The following STXBP4 variants were observed in gnomAD, a reference collection of about 807,000 sequenced individuals.
The protein encoded by STXBP4 is syntaxin-binding protein 4.
STXBP4 carries 55 observed loss-of-function variants against 76.1 expected under a neutral mutation model. That is an observed-to-expected ratio of 0.72 (90% CI 0.58 to 0.91). The LOEUF (loss-of-function observed/expected upper bound fraction) is 0.91, where lower values mean the gene tolerates loss of function less well. STXBP4 is among the 40% of genes least tolerant of loss of function. STXBP4 has a pLI of 0.00. For synonymous variants in STXBP4, 201 were observed against 220.2 expected, an observed-to-expected ratio of 0.91 and a Z score of 0.77; for missense variants, 618 against 636.9, an observed-to-expected ratio of 0.97 and a Z score of 0.32.
At chr17:55,067,751 G>T (rs1371152520) in intron 12 of STXBP4, among the ~76,000 whole-genome samples, 1 of 152,084 alleles carries the variant, frequency 6.6e-6, no homozygotes, top group Non-Finnish European at 1.5e-5. Context: ...GATTTTCATA[G>T]TACCCAAGCA....
chr17:55,024,057 T>C (rs958943262), intron 8 of STXBP4, among the ~76,000 whole-genome samples: 7 of 151,598 alleles, frequency 4.6e-5, no homozygotes, highest in Admixed American at 4.6e-4. Flanking sequence ...CAGTTAAATA[T>C]ATGAAAAGAT....
At chr17:55,211,716 G>A in the STXBP4 span, among the ~76,000 whole-genome samples, 1 of 150,358 alleles carries the variant, frequency 6.7e-6, no homozygotes, top group South Asian at 2.1e-4. Context: ...CATTTGACAA[G>A]CTTCCCCACT....
rs972656335 is a variant in STXBP4, at chr17:55,166,280, T to C, written c.*6369T>C. 6 of 152,224 alleles carry C rather than the reference T, an allele frequency of 3.9e-5. No individual in the cohort carries two copies. The highest frequency in any genetic ancestry group is 2.0e-4 in the Admixed American group (3 of 15,278). The allele number at this position is 152,224 out of a possible 1,614,324, so 9.4% of individuals were successfully genotyped here. A position where few individuals can be genotyped will look rare whatever the true frequency, so the allele number is the denominator to read the frequency against. On this transcript the variant is annotated 3_prime_UTR_variant, in exon 18 of 18. Coordinates refer to ENST00000376352, the MANE Select transcript of STXBP4 (RefSeq NM_178509.6). ...TTTCATGCAAACATGGCTTATTTAT[T>C]TTTCAAGTCTTTCTCATTTCTTACC... is the stretch of plus-strand genomic sequence containing the variant.
chr17:55,014,458 A>G (rs1194254687), intron 8 of STXBP4, among the ~76,000 whole-genome samples: 1 of 152,184 alleles, frequency 6.6e-6, no homozygotes, highest in Non-Finnish European at 1.5e-5. Flanking sequence ...TGGGAGAAGT[A>G]TCTAGTGACT....
chr17:54,974,872 T>C (rs2077449509), intron 1 of STXBP4, among the ~76,000 whole-genome samples: 1 of 152,232 alleles, frequency 6.6e-6, no homozygotes, highest in South Asian at 2.1e-4. Flanking sequence ...TTTAATTATA[T>C]GCAAATTAAG....
chr17:55,170,545 A>G lies in STXBP4; in HGVS notation c.*10634A>G, dbSNP rs1205124342. 1 of 152,168 alleles carries G rather than the reference A, an allele frequency of 6.6e-6. No homozygotes were observed. The highest frequency in any genetic ancestry group is 1.5e-5 in the Non-Finnish European group (1 of 68,010). 9.4% of individuals were successfully genotyped at this position (152,168 alleles called of 1,614,324 possible). A position where few individuals can be genotyped will look rare whatever the true frequency, so the allele number is the denominator to read the frequency against. On this transcript the variant is annotated 3_prime_UTR_variant, in exon 18 of 18. Transcript: ENST00000376352. The stretch of plus-strand genomic sequence containing the variant: ...TTATAAGAAAAAATGCTAATGATTT[A>G]TTGTGTATGAAAAAAGTGTATCTGA...
At chr17:55,047,201 TG>T in intron 12 of STXBP4, 47 bp downstream of exon 12, 1 of 1,050,562 alleles carries the variant, frequency 9.5e-7, no homozygotes, top group South Asian at 1.5e-5. Flanking sequence ...TGTGTGTGTG[TG>T]TGTGTGTGTG....
At chr17:55,055,944 AT>A (rs2078918614) in intron 12 of STXBP4, among the ~76,000 whole-genome samples, 1 of 152,204 alleles carries the variant, frequency 6.6e-6, no homozygotes, top group African/African-American at 2.4e-5. Flanking sequence ...TCTCTGATTT[AT>A]CTTACAACAA....
chr17:55,023,598 C>T (rs1008556055), intron 8 of STXBP4, among the ~76,000 whole-genome samples: 16 of 151,828 alleles, frequency 1.1e-4, no homozygotes, highest in African/African-American at 3.6e-4. Flanking sequence ...TTTTCGATTT[C>T]GGATTTTTGG....
rs564082035 is a variant in STXBP4, at chr17:55,096,962, A to C, written c.1489+15779A>C. 2.6e-5 allele frequency among the ~76,000 whole-genome samples: 4 copies of C among 152,304 alleles called. 1 individual carries two copies. The South Asian group carries it at 8.3e-4, about 32-fold the overall frequency. ...TAAACTGCTTTGCATCTTTAGTGAC[A>C]AACACTGTGCTGACCTCATAATAAA... On this transcript the variant is annotated intron_variant, in intron 16 of 17. Coordinates refer to ENST00000376352, the MANE Select transcript of STXBP4 (RefSeq NM_178509.6).
At chr17:55,048,990 T>G (rs1326846884) in intron 12 of STXBP4, among the ~76,000 whole-genome samples, 1 of 151,906 alleles carries the variant, frequency 6.6e-6, no homozygotes, top group Non-Finnish European at 1.5e-5. Context: ...GGAAAATAAA[T>G]GCACACTGCC....
chr17:55,192,620 A>G, the STXBP4 span, among the ~76,000 whole-genome samples: 1 of 152,236 alleles, frequency 6.6e-6, no homozygotes, highest in Admixed American at 6.5e-5. Flanking sequence ...TCCAAGATGT[A>G]TGATTAGCCC....
the STXBP4 span, among the ~76,000 whole-genome samples, chr17:55,190,605 A>G: frequency 6.6e-6 from 1 of 152,204 alleles, no homozygotes; most frequent in Non-Finnish European, 1.5e-5. Flanking sequence ...ATGCCAAATA[A>G]TATCATAAAT....
chr17:54,984,332 CT>C (rs200349357), intron 1 of STXBP4, among the ~76,000 whole-genome samples: 3 of 130,284 alleles, frequency 2.3e-5, no homozygotes, highest in Non-Finnish European at 3.2e-5. Context: ...CTCTCTTTTT[CT>C]TTTTTCTTTT....
rs924278957 is a variant in STXBP4, at chr17:55,166,056, A to G, written c.*6145A>G. 6.6e-6 allele frequency: 1 copy of G among 152,236 alleles called. No individual in the cohort carries two copies. The highest frequency in any genetic ancestry group is 2.1e-4 in the South Asian group (1 of 4,828). The allele number at this position is 152,236 out of a possible 1,614,324, so 9.4% of individuals were successfully genotyped here. On this transcript the variant is annotated 3_prime_UTR_variant, in exon 18 of 18. Transcript: ENST00000376352. ...ACCCCAAGGAAAGGAAAGAACTGCA[A>G]GTTGCCTGAGATTAATGTTGCTCAG...
At chr17:54,983,236 G>C (rs2077575182) in intron 1 of STXBP4, among the ~76,000 whole-genome samples, 1 of 152,072 alleles carries the variant, frequency 6.6e-6, no homozygotes, top group African/African-American at 2.4e-5. Flanking sequence ...TTGGCACTTA[G>C]GACACTGCCA....
intron 16 of STXBP4, among the ~76,000 whole-genome samples, chr17:55,138,010 A>G (rs1057102921): frequency 6.6e-6 from 1 of 152,086 alleles, no homozygotes; most frequent in Non-Finnish European, 1.5e-5. Context: ...TTTGTGTTTC[A>G]TGCCCTACAT....
chr17:54,970,812 A>G (rs1426746329), intron 1 of STXBP4, among the ~76,000 whole-genome samples: 9 of 152,164 alleles, frequency 5.9e-5, no homozygotes, highest in Non-Finnish European at 8.8e-5. Flanking sequence ...CATTTTTTGT[A>G]TAATAATTGC....
At chr17:55,064,186 A>G (rs2079023391) in intron 12 of STXBP4, among the ~76,000 whole-genome samples, 1 of 152,206 alleles carries the variant, frequency 6.6e-6, no homozygotes, top group Non-Finnish European at 1.5e-5. Flanking sequence ...ACCGTCATCC[A>G]TGTTAGATAT....
Sources: allele counts gnomAD v4.1 joint callset (sites outside exome capture counted in the v4.1 genomes callset), GRCh38; gene constraint gnomAD v4.1.1; transcripts MANE v1.5; gene names NCBI Gene and HGNC (gene_info 2026-07-23, HGNC 2026-07-21).